Variants in CD9 observed in about 807,000 individuals in gnomAD.
CD9 encodes CD9 molecule.
CD9 carries 10 observed loss-of-function variants against 31.4 expected under a neutral mutation model. The observed-to-expected ratio is 0.32, with a 90% CI of 0.20 to 0.54. The LOEUF (loss-of-function observed/expected upper bound fraction) is 0.54, where lower values mean the gene tolerates loss of function less well. CD9 is among the 20% of genes least tolerant of loss of function. CD9 has a pLI of 0.94. For missense variants in CD9, 259 were observed against 300.1 expected (o/e 0.86, Z 1.01); for synonymous variants, 113 against 114.1 (o/e 0.99, Z 0.06).
chr12:6,218,160 C>T (rs1231593121), intron 1 of CD9, among the ~76,000 whole-genome samples: 3 of 151,446 alleles, frequency 2.0e-5, no homozygotes, highest in African/African-American at 4.9e-5. Context: ...CTAGAGAGGT[C>T]GAGGCTGCAG....
At chr12:6,206,495 A>AT (rs1946134289) in intron 1 of CD9, among the ~76,000 whole-genome samples, 2 of 152,204 alleles carry the variant, frequency 1.3e-5, no homozygotes. Flanking sequence ...AAATGCTAGG[A>AT]TTACAGGAAT....
chr12:6,220,981 C>T (rs1339352219), intron 1 of CD9, among the ~76,000 whole-genome samples: 2 of 152,216 alleles, frequency 1.3e-5, no homozygotes, highest in African/African-American at 4.8e-5. Context: ...TGTCATGCCC[C>T]CTCAGTCTTC....
intron 2 of CD9, among the ~76,000 whole-genome samples, chr12:6,228,570 A>AC (rs919392174): frequency 2.6e-5 from 4 of 151,608 alleles, no homozygotes; most frequent in South Asian, 2.1e-4. Flanking sequence ...AAAAAAAAAA[A>AC]AAAAAAAAAA....
At chr12:6,224,562 G>C (rs60193915) in intron 1 of CD9, among the ~76,000 whole-genome samples, 1,878 of 152,310 alleles carry the variant, frequency 0.012, 30 homozygotes, top group African/African-American at 0.042. Flanking sequence ...CAAGGTCCCT[G>C]ATGAGCGGGC....
intron 1 of CD9, among the ~76,000 whole-genome samples, chr12:6,220,231 G>C (rs1946280314): frequency 6.6e-6 from 1 of 152,198 alleles, no homozygotes; most frequent in South Asian, 2.1e-4. Flanking sequence ...AGGCGATCAC[G>C]ACAGCATTCT....
intron 2 of CD9, among the ~76,000 whole-genome samples, chr12:6,229,536 C>T (rs12229697): frequency 1.3e-4 from 20 of 152,308 alleles, no homozygotes; most frequent in Non-Finnish European, 1.0e-4. Context: ...GGAACCAAGA[C>T]GAAACCAGTC....
chr12:6,232,886 T>A lies in CD9; in HGVS notation c.273+157T>A, dbSNP rs892311021. ...CCTCAGCCTGGGCCCCTCCCCGATGTGAGGCGTCGCCCCTCTTCCTTTCTG... is the reference window on the plus strand; with the variant it reads ...CCTCAGCCTGGGCCCCTCCCCGATGAGAGGCGTCGCCCCTCTTCCTTTCTG... On this transcript the variant is annotated intron_variant, in intron 3 of 7. Transcript: ENST00000009180. This position sits in a 1 kb window ranked among gnomAD's most constrained non-coding sequence, Gnocchi z 4.8. 37 of 705,802 alleles carry A rather than the reference T, an allele frequency of 5.2e-5. No homozygotes were observed. Among genetic ancestry groups the A allele is most frequent in the Middle Eastern group, 4.6e-4 (2 of 4,394 alleles). 43.7% of individuals were successfully genotyped at this position (705,802 alleles called of 1,614,324 possible).
intron 1 of CD9, among the ~76,000 whole-genome samples, chr12:6,208,489 TAATC>T (rs1489794438): frequency 1.3e-5 from 2 of 152,214 alleles, no homozygotes; most frequent in Non-Finnish European, 2.9e-5. Context: ...ACCATAAAGT[TAATC>T]AGGCAGTTTT....
intron 1 of CD9, among the ~76,000 whole-genome samples, chr12:6,223,592 G>C (rs1193567825): frequency 1.5e-5 from 2 of 133,230 alleles, no homozygotes; most frequent in African/African-American, 8.2e-5. Context: ...CAGGGACCTG[G>C]GGGGGGACCC....
At position 6,209,578 on chromosome 12, in the gene CD9, G is replaced by A. The variant is rs151216741; in HGVS notation, c.66+9013G>A. Among the ~76,000 whole-genome samples the A allele has an allele frequency of 1.0e-3, 159 of 152,038 alleles. 5 individuals are homozygous for A. The highest frequency in any genetic ancestry group is 0.01 in the Admixed American group (155 of 15,274). On this transcript the variant is annotated intron_variant, in intron 1 of 7. Coordinates refer to ENST00000009180, the MANE Select transcript of CD9 (RefSeq NM_001769.4). ...ATGTTTTAAAGCTTCCTGTCTACAA[G>A]CCTGAGAAAATCTCTTCATACTCTC...
chr12:6,209,327 GGCAGTTGCAGT>G (rs1315423300), intron 1 of CD9, among the ~76,000 whole-genome samples: 1 of 152,102 alleles, frequency 6.6e-6, no homozygotes, highest in Non-Finnish European at 1.5e-5. Context: ...CTTGTAGGTG[GGCAGTTGCAGT>G]GTGTAGTGTG....
Position 6,232,536 on chromosome 12 carries a change from G to T in CD9, c.176-96G>T. 1.3e-6 allele frequency: 1 copy of T among 764,198 alleles called. No individual in the cohort carries two copies. Among genetic ancestry groups the T allele is most frequent in the South Asian group, 1.5e-5 (1 of 68,486 alleles). 47.3% of individuals were successfully genotyped at this position (764,198 alleles called of 1,614,324 possible). The stretch of plus-strand genomic sequence containing the variant: ...ATGAGGGGAATAAGGAGGTGGGGAG[G>T]CAGGAGTTAGGCAGAGGGAAACAGG... On this transcript the variant is annotated intron_variant, in intron 2 of 7. Coordinates refer to ENST00000009180, the MANE Select transcript of CD9 (RefSeq NM_001769.4). The surrounding 1 kb of genome is among the most constrained non-coding windows in gnomAD (Gnocchi z 4.8).
chr12:6,235,104 G>A (rs1004822750), intron 4 of CD9, 125 bp from the exon 5 acceptor site: 24 of 744,844 alleles, frequency 3.2e-5, no homozygotes, highest in East Asian at 3.0e-4. Flanking sequence ...GCCCAGTGAC[G>A]TTGTCCAAGC....
chr12:6,200,410 A>G lies in CD9; in HGVS notation c.-90A>G, dbSNP rs916997207. 6.2e-5 allele frequency: 51 copies of G among 826,384 alleles called. No homozygotes were observed. Among genetic ancestry groups the G allele is most frequent in the Non-Finnish European group, 9.1e-5 (43 of 472,020 alleles). The allele number at this position is 826,384 out of a possible 1,614,324, so 51.2% of individuals were successfully genotyped here. A position where few individuals can be genotyped will look rare whatever the true frequency, so the allele number is the denominator to read the frequency against. Reference sequence around the variant, plus strand: ...CGGAGACCAGCCTACAGCCGCCTGCATCTGTATCCAGCGCCAGGTCCCGCC... The same window carrying G: ...CGGAGACCAGCCTACAGCCGCCTGCGTCTGTATCCAGCGCCAGGTCCCGCC... On this transcript the variant is annotated 5_prime_UTR_variant, in exon 1 of 8. Transcript: ENST00000009180.
chr12:6,214,147 C>T (rs1167948277), intron 1 of CD9, among the ~76,000 whole-genome samples: 4 of 152,134 alleles, frequency 2.6e-5, no homozygotes, highest in Admixed American at 6.5e-5. Flanking sequence ...CTTTTTGAGT[C>T]AGTTGCTTAA....
intron 6 of CD9, chr12:6,235,772 A>G: frequency 7.1e-7 from 1 of 1,399,818 alleles, no homozygotes; most frequent in Non-Finnish European, 9.2e-7. Context: ...GGGGAATGAC[A>G]AGTGTTCTGG....
At position 6,235,460 on chromosome 12, in the gene CD9, T is replaced by C; in HGVS notation, c.448-16T>C. ...AATTTGTTTCTCTCATCCCCATCCC[T>C]GCCTTCTCGCTGTAGTTGAACTGCT... On this transcript the variant is annotated splice_polypyrimidine_tract_variant and intron_variant, in intron 5 of 7. Transcript: ENST00000009180. 6.2e-7 allele frequency: 1 copy of C among 1,613,812 alleles called. No individual in the cohort carries two copies.
At chr12:6,233,149 G>C in intron 3 of CD9, 2 of 678,210 alleles carry the variant, frequency 2.9e-6, no homozygotes, top group Non-Finnish European at 5.4e-6. Flanking sequence ...CTTAACTAAC[G>C]CCTTGTAAAT....
intron 1 of CD9, among the ~76,000 whole-genome samples, chr12:6,215,078 G>A (rs888575075): frequency 4.0e-5 from 6 of 151,842 alleles, no homozygotes; most frequent in South Asian, 2.1e-4. Context: ...TTCCCTCCCC[G>A]TGGCTCACAG....
Sources: gnomAD v4.1 joint callset for allele counts (sites outside exome capture counted in the v4.1 genomes callset) on GRCh38, gnomAD v4.1.1 for gene constraint, Gnocchi (gnomAD v3.1) non-coding constraint, MANE v1.5 for transcripts, NCBI Gene and HGNC (gene_info 2026-07-23, HGNC 2026-07-21) for gene names.